Variants in PDE10A observed in about 807,000 individuals in gnomAD.
PDE10A encodes the protein cAMP and cAMP-inhibited cGMP 3',5'-cyclic phosphodiesterase 10A.
PDE10A carries 39 observed loss-of-function variants against 97.7 expected under a neutral mutation model. The ratio of observed to expected loss-of-function variants is 0.40; its 90% CI spans 0.31 to 0.52. PDE10A has a LOEUF of 0.52. PDE10A is among the 20% of genes least tolerant of loss of function. The pLI is 0.56. For synonymous variants in PDE10A, 371 were observed against 376.8 expected, an observed-to-expected ratio of 0.98 and a Z score of 0.18; for missense variants, 731 against 1,047.8, an observed-to-expected ratio of 0.70 and a Z score of 4.17.
chr6:165,431,162 T>C (rs1297971452), intron 8 of PDE10A, among the ~76,000 whole-genome samples: 1 of 151,858 alleles, frequency 6.6e-6, no homozygotes, highest in African/African-American at 2.4e-5. Context: ...CATATGCCAT[T>C]TATTGCATTA....
intron 2 of PDE10A, among the ~76,000 whole-genome samples, chr6:165,508,331 C>G (rs73037883): frequency 0.19 from 28,252 of 151,962 alleles, 2,695 homozygotes; most frequent in East Asian, 0.28. Flanking sequence ...CCTCTTTTCT[C>G]TCTGGTCTCC....
chr6:165,537,457 A>G (rs1385560479), intron 2 of PDE10A, among the ~76,000 whole-genome samples: 1 of 152,074 alleles, frequency 6.6e-6, no homozygotes, highest in Non-Finnish European at 1.5e-5. Context: ...GCAGTAGTGG[A>G]TATCTCAATT....
intron 2 of PDE10A, among the ~76,000 whole-genome samples, chr6:165,526,657 T>C (rs898536068): frequency 6.6e-6 from 1 of 152,140 alleles, no homozygotes; most frequent in African/African-American, 2.4e-5. Flanking sequence ...TGACAGTGGA[T>C]TATCGTAAGC....
chr6:165,624,153 C>G (rs972523102), intron 1 of PDE10A, among the ~76,000 whole-genome samples: 28 of 152,262 alleles, frequency 1.8e-4, no homozygotes, highest in African/African-American at 6.8e-4. Context: ...ATCCATCCAC[C>G]TCTCACAAGA....
chr6:165,874,026 G>A (rs993203213), intron 1 of PDE10A, among the ~76,000 whole-genome samples: 5 of 152,144 alleles, frequency 3.3e-5, no homozygotes, highest in African/African-American at 1.2e-4. Context: ...TGTTCTCCAA[G>A]TCCCAGCAAA....
chr6:165,478,767 T>C (rs919521303), intron 3 of PDE10A, among the ~76,000 whole-genome samples: 1 of 152,196 alleles, frequency 6.6e-6, no homozygotes, highest in African/African-American at 2.4e-5. Flanking sequence ...CTCTGAAACC[T>C]GCTACTTGGG....
chr6:165,662,920 C>G lies in PDE10A; in HGVS notation c.-109G>C, dbSNP rs1379358368. 1.3e-5 allele frequency among the ~76,000 whole-genome samples: 2 copies of G among 151,080 alleles called. No homozygotes were observed. The highest frequency in any genetic ancestry group is 2.4e-5 in the African/African-American group (1 of 41,222). ...GACCTGCCCACCCCTGCCGGCCGCCCGAACCGCTGCCTGGTCCTCCTCTCC... is the reference window on the plus strand; with the variant it reads ...GACCTGCCCACCCCTGCCGGCCGCCGGAACCGCTGCCTGGTCCTCCTCTCC... On this transcript the variant is annotated 5_prime_UTR_variant, in exon 1 of 22. Transcript: ENST00000539869.
At position 165,331,415 on chromosome 6, in the gene PDE10A, T is replaced by C. The variant is rs1562352763; in HGVS notation, c.*1610A>G. 1 of 152,242 alleles carries C rather than the reference T, an allele frequency of 6.6e-6. No homozygotes were observed. Among genetic ancestry groups the C allele is most frequent in the Non-Finnish European group, 1.5e-5 (1 of 68,036 alleles). 9.4% of individuals were successfully genotyped at this position (152,242 alleles called of 1,614,324 possible). A position where few individuals can be genotyped will look rare whatever the true frequency, so the allele number is the denominator to read the frequency against. On this transcript the variant is annotated 3_prime_UTR_variant, in exon 22 of 22. Coordinates refer to ENST00000539869, the MANE Select transcript of PDE10A (RefSeq NM_001385079.1). Reference sequence around the variant, plus strand: ...AGAACAATGTTTATGTAGAGCCAACTTTGCTACAACATAAATAAACCATGT... The same window carrying C: ...AGAACAATGTTTATGTAGAGCCAACCTTGCTACAACATAAATAAACCATGT...
Position 165,973,310 on chromosome 6 carries a change from T to C in PDE10A, c.-615+14219A>G, listed in dbSNP as rs927545426. The stretch of plus-strand genomic sequence containing the variant: ...GGCAGGTGCCCGTAATCCCAGCTAC[T>C]TGGGAGGCAGGAGAACCACTTGAAC... On this transcript the variant is annotated intron_variant, in intron 1 of 19. Coordinates refer to the PDE10A transcript ENST00000366882. Among the ~76,000 whole-genome samples the C allele has an allele frequency of 9.9e-5, 15 of 152,032 alleles. No individual in the cohort carries two copies. The East Asian group carries it at 2.9e-3, about 30-fold the overall frequency.
chr6:165,386,672 C>T (rs973870116), intron 17 of PDE10A, among the ~76,000 whole-genome samples: 1 of 152,062 alleles, frequency 6.6e-6, no homozygotes, highest in Non-Finnish European at 1.5e-5. Flanking sequence ...TATATGTACA[C>T]ATACATATAC....
Position 165,711,189 on chromosome 6 carries a change from A to G in PDE10A, c.-614-167621T>C, listed in dbSNP as rs1460151608. ...CAACAGGGATATGACGTTAGCAGTAAGTTCTACTAAATACACCGTTAGAGT... is the reference window on the plus strand; with the variant it reads ...CAACAGGGATATGACGTTAGCAGTAGGTTCTACTAAATACACCGTTAGAGT... On this transcript the variant is annotated intron_variant, in intron 1 of 19. Transcript: ENST00000366882. The surrounding 1 kb of genome is among the most constrained non-coding windows in gnomAD (Gnocchi z 4.5). 6.6e-6 allele frequency among the ~76,000 whole-genome samples: 1 copy of G among 152,214 alleles called. No homozygotes were observed. The highest frequency in any genetic ancestry group is 1.9e-4 in the East Asian group (1 of 5,200).
In PDE10A at chr6:165,811,834, A is replaced by G. The variant is rs1207885921; in HGVS notation, c.-615+175695T>C. The stretch of plus-strand genomic sequence containing the variant: ...TGCTGACGGTGTGTTTGGTCTCCAC[A>G]AGCCAGTGTCTTTTATTTTTTATTT... On this transcript the variant is annotated intron_variant, in intron 1 of 19. Transcript: ENST00000366882. Among the ~76,000 whole-genome samples the G allele has an allele frequency of 3.9e-5, 6 of 152,046 alleles. No individual in the cohort carries two copies. In the South Asian group the frequency reaches 8.3e-4, roughly 21 times the overall value.
At chr6:165,622,076 G>A (rs1040192992) in intron 1 of PDE10A, among the ~76,000 whole-genome samples, 2 of 152,080 alleles carry the variant, frequency 1.3e-5, no homozygotes, top group African/African-American at 4.8e-5. Flanking sequence ...TTTCCCAAGA[G>A]GAAGAAATTC....
intron 1 of PDE10A, among the ~76,000 whole-genome samples, chr6:165,733,819 T>TA (rs2128451600): frequency 6.6e-6 from 1 of 152,262 alleles, no homozygotes; most frequent in South Asian, 2.1e-4. Flanking sequence ...AGGAAAGCTC[T>TA]ATCTATAAAG....
chr6:165,399,632 G>C (rs1261550511), intron 13 of PDE10A, among the ~76,000 whole-genome samples: 1 of 147,916 alleles, frequency 6.8e-6, no homozygotes, highest in Non-Finnish European at 1.5e-5. Flanking sequence ...GTGTCCATGT[G>C]TTCTCATTGT....
chr6:165,427,098 A>G (rs1583263664), intron 10 of PDE10A, among the ~76,000 whole-genome samples: 2 of 152,226 alleles, frequency 1.3e-5, no homozygotes, highest in African/African-American at 4.8e-5. Flanking sequence ...TGACCCAGCA[A>G]TTCCACTCCT....
At chr6:165,960,819 G>T (rs1784335671) in intron 1 of PDE10A, among the ~76,000 whole-genome samples, 1 of 152,172 alleles carries the variant, frequency 6.6e-6, no homozygotes, top group African/African-American at 2.4e-5. Context: ...AGACAGAGGA[G>T]CACTCTGTGT....
intron 1 of PDE10A, among the ~76,000 whole-genome samples, chr6:165,730,715 T>C (rs1266944684): frequency 3.6e-5 from 5 of 138,748 alleles, no homozygotes; most frequent in Non-Finnish European, 4.5e-5. Flanking sequence ...ATCATGCCAC[T>C]ACAATCCAGC....
chr6:165,976,100 TG>T, intron 1 of PDE10A, among the ~76,000 whole-genome samples: 1 of 152,346 alleles, frequency 6.6e-6, no homozygotes, highest in Middle Eastern at 3.4e-3. Context: ...ATTAGCATGT[TG>T]TCAGTTAGGT....
Sources: gnomAD v4.1 joint callset for allele counts (sites outside exome capture counted in the v4.1 genomes callset) on GRCh38, gnomAD v4.1.1 for gene constraint, Gnocchi (gnomAD v3.1) non-coding constraint, MANE v1.5 for transcripts, NCBI Gene and HGNC (gene_info 2026-07-23, HGNC 2026-07-21) for gene names.